The following GRHPR variants were observed in gnomAD, a reference collection of about 807,000 sequenced individuals.
GRHPR encodes the protein glyoxylate reductase/hydroxypyruvate reductase.
Under a neutral mutation model 36.8 loss-of-function variants are expected in GRHPR, and 35 were observed. The ratio of observed to expected loss-of-function variants is 0.95; its 90% CI spans 0.73 to 1.26. The LOEUF (loss-of-function observed/expected upper bound fraction) is 1.26, where lower values mean the gene tolerates loss of function less well. Among genes scored for constraint, GRHPR ranks in the 50% most tolerant of loss-of-function variants. GRHPR has a pLI of 0.00. For synonymous variants in GRHPR, 179 were observed against 181.0 expected (o/e 0.99, Z 0.09); for missense variants, 380 against 435.0 (o/e 0.87, Z 1.12).
chr9:37,429,609 G>A (rs1403067112), intron 5 of GRHPR, 123 bp from the exon 6 acceptor site: 3 of 776,982 alleles, frequency 3.9e-6, no homozygotes, highest in African/African-American at 1.7e-5. Flanking sequence ...GGAGACAGGA[G>A]CAGGCAACTC....
intron 7 of GRHPR, chr9:37,431,784 A>C (rs1823379190): frequency 3.9e-6 from 2 of 513,082 alleles, no homozygotes; most frequent in Non-Finnish European, 7.1e-6. Context: ...CGAGGCACAG[A>C]GAATTTGAGA....
chr9:37,439,140 A>C (rs1225441441), downstream of GRHPR: 1 of 152,234 alleles, frequency 6.6e-6, no homozygotes, highest in African/African-American at 2.4e-5. Flanking sequence ...AGTTCTAGGG[A>C]GACGCATTAA....
At chr9:37,434,483 C>T (rs1823538710) in intron 8 of GRHPR, 1 of 556,526 alleles carries the variant, frequency 1.8e-6, no homozygotes, top group African/African-American at 1.9e-5. Context: ...GATCTTTGTC[C>T]CCAAGAAGGT....
chr9:37,422,642 C>G, upstream of GRHPR: 1 of 888,940 alleles, frequency 1.1e-6, no homozygotes, highest in East Asian at 2.6e-5. Context: ...CCTGCGCACG[C>G]CGCGCGCGAC....
rs142835989 is a variant in GRHPR at position 37,436,750 on chromosome 9, G to T, written c.955G>T (p.Gly319Trp). ...AANNLLAGLR[G>W]EPMPSELKL ...TAACAACTTGCTGGCTGGCCTGAGA[G>T]GGGAGCCGATGCCTAGTGAACTCAA... is the stretch of plus-strand genomic sequence containing the variant. The change falls in exon 9 of 9, where the codon GGG becomes TGG. Residue 319 changes from glycine to tryptophan, a missense_variant. Transcript: ENST00000318158. 3.0e-4 allele frequency: 487 copies of T among 1,613,976 alleles called. No homozygotes were observed. The highest frequency in any genetic ancestry group is 3.8e-4 in the Non-Finnish European group (451 of 1,179,998).
Position 37,430,501 on chromosome 9 carries a change from C to G in GRHPR, c.599-10C>G. 1 of 1,611,784 alleles carries G rather than the reference C, an allele frequency of 6.2e-7. No homozygotes were observed. Among genetic ancestry groups the G allele is most frequent in the Non-Finnish European group, 8.5e-7 (1 of 1,177,848 alleles). On this transcript the variant is annotated splice_polypyrimidine_tract_variant and intron_variant, in intron 6 of 8. Coordinates refer to ENST00000318158, the MANE Select transcript of GRHPR (RefSeq NM_012203.2). Reference sequence around the variant, plus strand: ...GACTCAGTGCCTGATGGAGTCCTGCCCTCCCTCAGTGTCTACCCCTGAGCT... The same window carrying G: ...GACTCAGTGCCTGATGGAGTCCTGCGCTCCCTCAGTGTCTACCCCTGAGCT...
Position 37,430,592 on chromosome 9 carries a change from A to G in GRHPR, c.680A>G (p.Asn227Ser). The G allele has an allele frequency of 1.2e-6, 2 of 1,613,928 alleles. No homozygotes were observed. The highest frequency in any genetic ancestry group is 8.5e-7 in the Non-Finnish European group (1 of 1,179,776). Residue 227 changes from asparagine to serine, a missense_variant, in exon 7 of 9, where the codon AAC (asparagine) becomes AGC (serine). Transcript: ENST00000318158. ...SLTPATEGLC[N>S]KDFFQKMKET... is the part of the protein sequence containing the mutation. ...ACACCTGCAACCGAGGGACTCTGCA[A>G]CAAGGACTTCTTCCAGAAGATGAAG...
chr9:37,436,747 A>C lies in GRHPR; in HGVS notation c.952A>C (p.Arg318=). The C allele has an allele frequency of 2.5e-6, 4 of 1,614,012 alleles. No individual in the cohort carries two copies. In the African/African-American group the frequency reaches 5.3e-5, roughly 22 times the overall value. ...AGCTAACAACTTGCTGGCTGGCCTGAGAGGGGAGCCGATGCCTAGTGAACT... is the reference window on the plus strand; with the variant it reads ...AGCTAACAACTTGCTGGCTGGCCTGCGAGGGGAGCCGATGCCTAGTGAACT... The part of the protein sequence containing the change: ...LAANNLLAGL[R]GEPMPSELKL The change falls in exon 9 of 9, where the codon AGA becomes CGA. Residue 318 remains arginine (R), a synonymous_variant. Transcript: ENST00000318158.
intron 4 of GRHPR, 149 bp from the exon 5 acceptor site, chr9:37,428,335 T>G: frequency 1.4e-6 from 1 of 699,486 alleles, no homozygotes; most frequent in Non-Finnish European, 2.6e-6. Flanking sequence ...TCATCTGCAG[T>G]GCCGAGTGGC....
chr9:37,429,616 A>G (rs1823252341), intron 5 of GRHPR, 116 bp from the exon 6 acceptor site: 2 of 790,738 alleles, frequency 2.5e-6, no homozygotes, highest in South Asian at 1.3e-5. Flanking sequence ...GGAGCAGGCA[A>G]CTCGGGCTGT....
chr9:37,431,265 AC>A (rs1823354012), intron 7 of GRHPR: 1 of 336,204 alleles, frequency 3.0e-6, no homozygotes, highest in Non-Finnish European at 5.9e-6. Flanking sequence ...GGACTCGTCC[AC>A]CCCAAAGGTA....
At chr9:37,423,660 G>A (rs142613694) in intron 1 of GRHPR, among the ~76,000 whole-genome samples, 1 of 151,730 alleles carries the variant, frequency 6.6e-6, no homozygotes, top group Admixed American at 6.6e-5. Flanking sequence ...TTTTTTCAAA[G>A]ACGAGGGTCT....
At chr9:37,431,356 A>G (rs998051552) in intron 7 of GRHPR, 1 of 313,600 alleles carries the variant, frequency 3.2e-6, no homozygotes, top group South Asian at 2.7e-5. Flanking sequence ...CAGGGCTCGC[A>G]CTGCTGGCTG....
At position 37,431,581 on chromosome 9, in the gene GRHPR, T is replaced by C. The variant is rs556338670; in HGVS notation, c.735-427T>C. The C allele has an allele frequency of 4.8e-4, 126 of 264,228 alleles. 1 individual carries two copies. Among genetic ancestry groups the C allele is most frequent in the Middle Eastern group, 2.7e-3 (2 of 738 alleles). 16.4% of individuals were successfully genotyped at this position (264,228 alleles called of 1,614,324 possible). A position where few individuals can be genotyped will look rare whatever the true frequency, so the allele number is the denominator to read the frequency against. Reference sequence around the variant, plus strand: ...TTTAGACAGGTACCTGATAGCACACTGTGGTGCTTCTCAGTGGGGGTCTGG... The same window carrying C: ...TTTAGACAGGTACCTGATAGCACACCGTGGTGCTTCTCAGTGGGGGTCTGG... On this transcript the variant is annotated intron_variant, in intron 7 of 8. Transcript: ENST00000318158.
At chr9:37,423,033 C>A (rs1374664062) in intron 1 of GRHPR, among the ~76,000 whole-genome samples, 200 bp downstream of exon 1, 2 of 152,144 alleles carry the variant, frequency 1.3e-5, no homozygotes, top group African/African-American at 2.4e-5. Context: ...GGAGATTGCC[C>A]CTGAGGCAAG....
At position 37,436,764 on chromosome 9, in the gene GRHPR, T is replaced by C; in HGVS notation, c.969T>C (p.Pro323=). Residue 323 remains proline, a synonymous_variant, in exon 9 of 9, where the codon CCT becomes CCC. Coordinates refer to ENST00000318158, the MANE Select transcript of GRHPR (RefSeq NM_012203.2). ...LLAGLRGEPM[P]SELKL The stretch of plus-strand genomic sequence containing the variant: ...CTGGCCTGAGAGGGGAGCCGATGCC[T>C]AGTGAACTCAAGCTGTAGCCAAACA... The C allele has an allele frequency of 1.2e-6, 2 of 1,613,980 alleles. No homozygotes were observed. Among genetic ancestry groups the C allele is most frequent in the South Asian group, 1.1e-5 (1 of 91,070 alleles).
At chr9:37,425,066 T>C in intron 2 of GRHPR, 91 bp downstream of exon 2, 6 of 1,359,844 alleles carry the variant, frequency 4.4e-6, no homozygotes, top group South Asian at 3.6e-5. Flanking sequence ...TCTGCAGTGC[T>C]GTCTGGGTTC....
chr9:37,422,749 G>A lies in GRHPR; in HGVS notation c.-2G>A. The A allele has an allele frequency of 1.3e-6, 2 of 1,580,456 alleles. No individual in the cohort carries two copies. The highest frequency in any genetic ancestry group is 1.7e-6 in the Non-Finnish European group (2 of 1,164,652). On this transcript the variant is annotated 5_prime_UTR_variant, in exon 1 of 9. Transcript: ENST00000318158. Reference sequence around the variant, plus strand: ...AGGTCCGGGTCGGCGGCTGCACTGCGGATGAGACCGGTGCGACTCATGAAG... The same window carrying A: ...AGGTCCGGGTCGGCGGCTGCACTGCAGATGAGACCGGTGCGACTCATGAAG...
intron 3 of GRHPR, 81 bp downstream of exon 3, chr9:37,426,075 C>CT: frequency 1.1e-6 from 1 of 944,388 alleles, no homozygotes; most frequent in Non-Finnish European, 1.8e-6. Flanking sequence ...TTTGTTTTTA[C>CT]TGCATATCCC....
Sources: allele counts gnomAD v4.1 joint callset (sites outside exome capture counted in the v4.1 genomes callset), GRCh38; gene constraint gnomAD v4.1.1; transcripts MANE v1.5; gene names NCBI Gene and HGNC (gene_info 2026-07-23, HGNC 2026-07-21).